The following NPHP4 variants were observed in gnomAD, a reference collection of about 807,000 sequenced individuals.
NPHP4 encodes the protein nephrocystin 4, also known as nephrocystin-4.
NPHP4 carries 151 observed loss-of-function variants against 155.8 expected under a neutral mutation model. That is an observed-to-expected ratio of 0.97 (90% CI 0.85 to 1.11). The LOEUF is 1.11. NPHP4 is among the 50% of genes least tolerant of loss of function. The pLI, the probability that NPHP4 is intolerant of heterozygous loss-of-function variation, is 0.00. For missense variants in NPHP4, 1,956 were observed against 1,925.7 expected, an observed-to-expected ratio of 1.02 and a Z score of -0.29; for synonymous variants, 845 against 816.8, an observed-to-expected ratio of 1.03 and a Z score of -0.59.
At chr1:5,863,533 T>C in intron 29 of NPHP4, 128 bp from the exon 30 acceptor site, 1 of 1,137,246 alleles carries the variant, frequency 8.8e-7, no homozygotes, top group Non-Finnish European at 1.3e-6. Flanking sequence ...TGCGGGTGCA[T>C]CCAAGGCCTG....
Position 5,933,096 on chromosome 1 carries a change from G to C in NPHP4, c.1302+51C>G, listed in dbSNP as rs1646360418. The C allele has an allele frequency of 3.7e-6, 5 of 1,359,116 alleles. No individual in the cohort carries two copies. The African/African-American group carries it at 7.2e-5, about 20-fold the overall frequency. 84.2% of individuals were successfully genotyped at this position (1,359,116 alleles called of 1,614,324 possible). ...TGAACTTTTGCTTTTGAAAATGAAT[G>C]AACTTGCTAGAAGCTCACCGGAGAT... On this transcript the variant is annotated intron_variant, in intron 10 of 29. Coordinates refer to ENST00000378156, the MANE Select transcript of NPHP4 (RefSeq NM_015102.5).
intron 23 of NPHP4, among the ~76,000 whole-genome samples, chr1:5,869,817 G>A (rs1027804429): frequency 8.5e-5 from 13 of 152,184 alleles, no homozygotes; most frequent in South Asian, 4.1e-4. Context: ...AGCCAAATGC[G>A]AGCTAGGTTT....
Position 5,904,716 on chromosome 1 carries a change from G to A in NPHP4, c.2044C>T (p.Arg682Ter), listed in dbSNP as rs137852920. The A allele has an allele frequency of 8.7e-6, 14 of 1,613,908 alleles. No homozygotes were observed. Among genetic ancestry groups the A allele is most frequent in the African/African-American group, 4.0e-5 (3 of 74,932 alleles). Residue 682 changes from arginine (R) to a stop codon, truncating the protein, a stop_gained, in exon 16 of 30, where the codon CGA becomes TGA. Coordinates refer to ENST00000378156, the MANE Select transcript of NPHP4 (RefSeq NM_015102.5). LOFTEE classifies it high-confidence loss of function. ...FYRFPPATTP[R>*]LQLVQLDEAG... ...TCATCCAGCTGGACCAGCTGCAGTC[G>A]TGGCGTCGTTGCGGGTGGGAAGCGG...
At chr1:5,924,954 C>A (rs1570463409) in intron 11 of NPHP4, among the ~76,000 whole-genome samples, 1 of 152,166 alleles carries the variant, frequency 6.6e-6, no homozygotes, top group South Asian at 2.1e-4. Flanking sequence ...CCATGCCTGG[C>A]CTGTATCATA....
At chr1:5,870,846 G>A (rs898418221) in intron 23 of NPHP4, among the ~76,000 whole-genome samples, 2 of 152,244 alleles carry the variant, frequency 1.3e-5, no homozygotes, top group African/African-American at 4.8e-5. Context: ...ATAACCGCCT[G>A]TGCACTTCAC....
intron 6 of NPHP4, among the ~76,000 whole-genome samples, chr1:5,959,145 C>T (rs1342723899): frequency 6.6e-6 from 1 of 152,076 alleles, no homozygotes; most frequent in Non-Finnish European, 1.5e-5. Context: ...TCCCTCCCTC[C>T]GGACACCATG....
chr1:5,868,914 A>G (rs1641623402), intron 23 of NPHP4, among the ~76,000 whole-genome samples: 1 of 148,186 alleles, frequency 6.7e-6, no homozygotes, highest in Non-Finnish European at 1.5e-5. Context: ...GCATGCACCC[A>G]CACATGTACA....
At chr1:5,907,924 C>T (rs181607894) in intron 12 of NPHP4, among the ~76,000 whole-genome samples, 4 of 152,308 alleles carry the variant, frequency 2.6e-5, no homozygotes, top group East Asian at 1.9e-4. Flanking sequence ...GAAATGAGTG[C>T]GGCTTAAAAC....
At chr1:5,980,250 G>A (rs751122019) in intron 2 of NPHP4, among the ~76,000 whole-genome samples, 5 of 152,150 alleles carry the variant, frequency 3.3e-5, no homozygotes, top group African/African-American at 1.2e-4. Context: ...CCTACCCCTC[G>A]TCTTGGGAGC....
chr1:5,962,005 G>C lies in NPHP4; in HGVS notation c.518-56C>G, dbSNP rs912925545. ...ATAGCTGAAAGCAAAGGTGCTTCCA[G>C]TCAAACCAGCCAATTAACAGAGAAT... On this transcript the variant is annotated intron_variant, in intron 5 of 29. Transcript: ENST00000378156. 60 of 1,404,908 alleles carry C rather than the reference G, an allele frequency of 4.3e-5. 1 individual carries two copies. The highest frequency in any genetic ancestry group is 5.4e-5 in the Non-Finnish European group (55 of 1,011,612). The allele number at this position is 1,404,908 out of a possible 1,614,324, so 87.0% of individuals were successfully genotyped here. A position where few individuals can be genotyped will look rare whatever the true frequency, so the allele number is the denominator to read the frequency against.
intron 6 of NPHP4, 95 bp from the exon 7 acceptor site, chr1:5,952,931 G>C (rs555131826): frequency 8.1e-7 from 1 of 1,237,914 alleles, no homozygotes; most frequent in East Asian, 2.6e-5. Flanking sequence ...CTCAGCCGGG[G>C]CCTGCAGCAA....
At chr1:5,875,688 T>C (rs1160134014) in intron 20 of NPHP4, among the ~76,000 whole-genome samples, 2 of 152,188 alleles carry the variant, frequency 1.3e-5, no homozygotes, top group Non-Finnish European at 2.9e-5. Context: ...GGCCTGTTTT[T>C]CCTGTGGGAC....
chr1:5,894,132 G>A (rs921822488), intron 16 of NPHP4, among the ~76,000 whole-genome samples: 11 of 152,186 alleles, frequency 7.2e-5, no homozygotes, highest in Non-Finnish European at 1.5e-4. Context: ...TCATGTCCTC[G>A]TTCTCTTGCC....
intron 23 of NPHP4, among the ~76,000 whole-genome samples, chr1:5,868,817 C>T (rs1213803459): frequency 4.2e-5 from 6 of 143,978 alleles, no homozygotes; most frequent in African/African-American, 5.2e-5. Flanking sequence ...CACACATCCA[C>T]CCACACATGC....
intron 16 of NPHP4, 32 bp downstream of exon 16, chr1:5,904,585 G>A: frequency 6.5e-7 from 1 of 1,537,070 alleles, no homozygotes; most frequent in Non-Finnish European, 8.9e-7. Context: ...AGTACAGAAT[G>A]TCTTGCCTTT....
intron 11 of NPHP4, among the ~76,000 whole-genome samples, chr1:5,920,221 G>A (rs540977000): frequency 2.6e-5 from 4 of 152,248 alleles, no homozygotes; most frequent in Non-Finnish European, 5.9e-5. Context: ...ATGAGCCACC[G>A]CGCCCGGCCT....
intron 7 of NPHP4, among the ~76,000 whole-genome samples, chr1:5,949,497 G>C (rs1647521271): frequency 6.6e-6 from 1 of 151,980 alleles, no homozygotes; most frequent in Non-Finnish European, 1.5e-5. Flanking sequence ...ACAAAACAAA[G>C]TCCCTGTCCT....
chr1:5,947,078 A>C (rs1647139990), intron 9 of NPHP4, 26 bp downstream of exon 9: 2 of 1,613,576 alleles, frequency 1.2e-6, no homozygotes. Flanking sequence ...ACCAGAGGAA[A>C]CCGAGTGCAA....
intron 11 of NPHP4, among the ~76,000 whole-genome samples, chr1:5,911,753 G>C (rs1645188724): frequency 6.6e-6 from 1 of 152,202 alleles, no homozygotes; most frequent in Non-Finnish European, 1.5e-5. Flanking sequence ...AGAGCAGGAA[G>C]AGACACACCA....
Sources: gnomAD v4.1 joint callset for allele counts (sites outside exome capture counted in the v4.1 genomes callset) on GRCh38, gnomAD v4.1.1 for gene constraint, MANE v1.5 for transcripts, NCBI Gene and HGNC (gene_info 2026-07-23, HGNC 2026-07-21) for gene names.